Variants in STS observed in about 807,000 individuals in gnomAD.
STS encodes the protein steryl-sulfatase.
STS carries 7 observed loss-of-function variants against 26.8 expected under a neutral mutation model. That is an observed-to-expected ratio of 0.26 (90% confidence interval 0.15 to 0.49). The LOEUF (loss-of-function observed/expected upper bound fraction) is 0.49. STS is among the 20% of genes least tolerant of loss of function. STS has a pLI of 0.98. For synonymous variants in STS, 199 were observed against 189.4 expected (o/e 1.05, Z -0.42); for missense variants, 434 against 465.6 (o/e 0.93, Z 0.63).
rs1204635667 is a variant in STS, at chrX:7,177,447, A to AAT, written c.-133-13422_-133-13421dup. Among the ~76,000 whole-genome samples, 35 of 106,678 alleles carry AAT rather than the reference A, an allele frequency of 3.3e-4. No individual in the cohort carries two copies. The East Asian group carries it at 8.2e-3, about 25-fold the overall frequency. 92.6% of individuals were successfully genotyped at this position (106,678 alleles called of 115,157 possible). A position where few individuals can be genotyped will look rare whatever the true frequency, so the allele number is the denominator to read the frequency against. ...TATACAACATATAATTTTAATTTAAAATATATATATATTATATATGTATAT... is the reference window on the plus strand; with the variant it reads ...TATACAACATATAATTTTAATTTAAAATATATATATATATTATATATGTATAT... On this transcript the variant is annotated intron_variant, in intron 1 of 10. Coordinates refer to ENST00000674429, the MANE Select transcript of STS (RefSeq NM_001320752.2).
chrX:7,340,515 C>G (rs1928235017), intron 10 of STS, among the ~76,000 whole-genome samples: 1 of 111,904 alleles, frequency 8.9e-6, no homozygotes, highest in Non-Finnish European at 1.9e-5. Context: ...CATTATGTAT[C>G]TTTTGAAGAC....
At chrX:7,254,086 A>G (rs1438974138) in intron 3 of STS, among the ~76,000 whole-genome samples, 1 of 111,938 alleles carries the variant, frequency 8.9e-6, no homozygotes, top group Non-Finnish European at 1.9e-5. Context: ...CACCTCCCAA[A>G]GACCCCACCT....
intron 10 of STS, among the ~76,000 whole-genome samples, chrX:7,348,938 T>G (rs1299336241): frequency 1.8e-5 from 2 of 111,262 alleles, no homozygotes; most frequent in Admixed American, 9.6e-5. Context: ...CTAGCCTCAT[T>G]TAATTCTTTT....
Position 7,257,472 on chromosome X carries a change from C to A in STS, c.266C>A (p.Ala89Glu), listed in dbSNP as rs1923478267. Residue 89 changes from alanine (A) to glutamate (E), a missense_variant, in exon 5 of 11, where the codon GCA becomes GAA. Physicochemically the swap from Ala to Glu is moderately radical, Grantham distance 107. This residue lies in a region of STS where 229 missense variants were observed against 288.3 expected (regional missense o/e 0.79). Coordinates refer to ENST00000674429, the MANE Select transcript of STS (RefSeq NM_001320752.2). ...TGATTTTTTCCTGGTCCAGGAATGG[C>A]ATCTTGGTCCCGCACTGGAGTTTTC... Reference protein sequence around the residue: ...TGRYPVRSGMASWSRTGVFLF... With the variant: ...TGRYPVRSGMESWSRTGVFLF... 1 of 1,212,280 alleles carries A rather than the reference C, an allele frequency of 8.2e-7. No homozygotes were observed. Among genetic ancestry groups the A allele is most frequent in the South Asian group, 1.8e-5 (1 of 57,031 alleles).
intron 9 of STS, 132 bp downstream of exon 9, chrX:7,325,630 T>G: frequency 1.3e-6 from 1 of 752,637 alleles, no homozygotes; most frequent in Non-Finnish European, 2.1e-6. Flanking sequence ...ATCACAGGTT[T>G]GAGGCAGGTC....
At chrX:7,206,053 G>C (rs1387954186) in intron 2 of STS, among the ~76,000 whole-genome samples, 3 of 111,596 alleles carry the variant, frequency 2.7e-5, no homozygotes, top group Admixed American at 9.4e-5. Context: ...TTTTGTCTTG[G>C]TCCTCTGTAT....
At position 7,353,733 on chromosome X, in the gene STS, T is replaced by C. The variant is rs1185745227; in HGVS notation, c.*3472T>C. On this transcript the variant is annotated 3_prime_UTR_variant, in exon 11 of 11. Transcript: ENST00000674429. ...AGGATCGGCTCTCATTCGATCGAGC[T>C]ATTCTCTTAAAATGACAAAAAGTGT... The C allele has an allele frequency of 9.0e-6, 1 of 111,622 alleles. No individual in the cohort carries two copies. The highest frequency in any genetic ancestry group is 2.8e-4 in the East Asian group (1 of 3,540). 9.2% of individuals were successfully genotyped at this position (111,622 alleles called of 1,213,427 possible).
intron 2 of STS, among the ~76,000 whole-genome samples, chrX:7,214,989 TAC>T (rs200409700): frequency 0.013 from 1,052 of 81,205 alleles, 21 homozygotes; most frequent in African/African-American, 0.045. Context: ...TACATATATA[TAC>T]GTATATATAC....
At chrX:7,252,375 C>A (rs772187633) in intron 2 of STS, 7 of 602,478 alleles carry the variant, frequency 1.2e-5, no homozygotes, top group Non-Finnish European at 1.4e-5. Flanking sequence ...CACTGCACAC[C>A]TACCTGCTAC....
At chrX:7,251,689 G>A (rs1415407047) in intron 2 of STS, among the ~76,000 whole-genome samples, 1 of 111,666 alleles carries the variant, frequency 9.0e-6, no homozygotes, top group Non-Finnish European at 1.9e-5. Flanking sequence ...AATAAAATTG[G>A]TCCTCACCAT....
At chrX:7,255,349 T>A (rs1158272384) in intron 3 of STS, among the ~76,000 whole-genome samples, 2 of 112,205 alleles carry the variant, frequency 1.8e-5, no homozygotes, top group African/African-American at 3.2e-5. Context: ...GTGATATAGA[T>A]CTTATTAATT....
chrX:7,254,308 T>C (rs917654617), intron 3 of STS, among the ~76,000 whole-genome samples: 1 of 112,189 alleles, frequency 8.9e-6, no homozygotes, highest in Non-Finnish European at 1.9e-5. Flanking sequence ...AGTGGGTGTT[T>C]TGTTTCTCTC....
intron 10 of STS, among the ~76,000 whole-genome samples, chrX:7,337,482 G>A (rs1928089510): frequency 8.9e-6 from 1 of 112,218 alleles, no homozygotes; most frequent in Non-Finnish European, 1.9e-5. Context: ...GACTGCATAG[G>A]TCATCTCAGA....
At chrX:7,328,847 C>T (rs1282378580) in intron 9 of STS, among the ~76,000 whole-genome samples, 4 of 111,134 alleles carry the variant, frequency 3.6e-5, no homozygotes, top group African/African-American at 1.3e-4. Context: ...AGGTGCGCAC[C>T]ATCACGCCCA....
intron 1 of STS, among the ~76,000 whole-genome samples, chrX:7,178,311 T>G (rs1179782964): frequency 8.9e-6 from 1 of 112,365 alleles, no homozygotes. Flanking sequence ...AGTGCTGAGA[T>G]GCGCTACCTC....
intron 7 of STS, among the ~76,000 whole-genome samples, chrX:7,280,651 A>G (rs1924813427): frequency 8.9e-6 from 1 of 111,755 alleles, no homozygotes; most frequent in East Asian, 2.8e-4. Context: ...GGATGGATGT[A>G]GTTCTCACCG....
intron 9 of STS, among the ~76,000 whole-genome samples, chrX:7,329,895 A>ATTGTTG (rs753872705): frequency 1.3e-4 from 14 of 111,473 alleles, no homozygotes; most frequent in Admixed American, 7.7e-4. Flanking sequence ...CACAGGAAAG[A>ATTGTTG]TTGTTGTTGT....
chrX:7,158,012 A>G (rs1933169493), intron 1 of STS, among the ~76,000 whole-genome samples: 1 of 112,155 alleles, frequency 8.9e-6, no homozygotes, highest in Non-Finnish European at 1.9e-5. Context: ...GGGCTTATGA[A>G]GAGGTTTCTG....
intron 7 of STS, among the ~76,000 whole-genome samples, chrX:7,285,758 T>A (rs1256629510): frequency 8.9e-6 from 1 of 112,088 alleles, no homozygotes; most frequent in Admixed American, 9.5e-5. Context: ...TTATACTGAT[T>A]CCTGAATAGG....
Sources: allele counts gnomAD v4.1 joint callset (sites outside exome capture counted in the v4.1 genomes callset), GRCh38; gene constraint gnomAD v4.1.1; regional missense constraint gnomAD v4.1.1; transcripts MANE v1.5; gene names NCBI Gene and HGNC (gene_info 2026-07-23, HGNC 2026-07-21).